Variants in DPYD observed in about 807,000 individuals in gnomAD.
The protein encoded by DPYD is dihydropyrimidine dehydrogenase [NADP(+)].
A neutral mutation model predicts 116.2 loss-of-function variants in DPYD; 109 were observed. The ratio of observed to expected loss-of-function variants is 0.94; its 90% confidence interval spans 0.80 to 1.10. The LOEUF (loss-of-function observed/expected upper bound fraction) is 1.10, where lower values mean the gene tolerates loss of function less well. Ranked by LOEUF, DPYD falls within the 50% of genes least tolerant of loss-of-function variation. The pLI is 0.00. For synonymous variants in DPYD, 440 were observed against 432.0 expected (o/e 1.02, Z -0.23); for missense variants, 1,302 against 1,254.5 (o/e 1.04, Z -0.57).
intron 14 of DPYD, among the ~76,000 whole-genome samples, chr1:97,408,750 C>T (rs1316458520): frequency 6.6e-6 from 1 of 152,114 alleles, no homozygotes; most frequent in African/African-American, 2.4e-5. Context: ...TGGGTAGGCA[C>T]CATCTGATCA....
At chr1:97,770,600 T>C (rs2101158500) in intron 3 of DPYD, among the ~76,000 whole-genome samples, 1 of 152,276 alleles carries the variant, frequency 6.6e-6, no homozygotes, top group South Asian at 2.1e-4. Context: ...CTGTTTTGAG[T>C]AGCTAGAAAA....
chr1:97,428,543 A>C (rs2101721724), intron 14 of DPYD, among the ~76,000 whole-genome samples: 1 of 152,228 alleles, frequency 6.6e-6, no homozygotes, highest in Admixed American at 6.6e-5. Flanking sequence ...TGGAAGTTTC[A>C]GAGTTTGAGC....
chr1:97,344,814 C>T (rs1436220986), intron 16 of DPYD, among the ~76,000 whole-genome samples: 2 of 151,818 alleles, frequency 1.3e-5, no homozygotes, highest in Non-Finnish European at 2.9e-5. Context: ...CATGTTTATG[C>T]ATGTACTATA....
chr1:97,436,852 G>T (rs532263129), intron 14 of DPYD, among the ~76,000 whole-genome samples: 1 of 152,024 alleles, frequency 6.6e-6, no homozygotes, highest in African/African-American at 2.4e-5. Flanking sequence ...AACTTGAAGA[G>T]TTGGGTAGGG....
rs557814789 is a variant in DPYD at position 97,710,750 on chromosome 1, C to T, written c.483+10760G>A. 5.3e-5 allele frequency among the ~76,000 whole-genome samples: 8 copies of T among 151,728 alleles called. No homozygotes were observed. In the South Asian group the frequency reaches 1.7e-3, roughly 32 times the overall value. On this transcript the variant is annotated intron_variant, in intron 5 of 22. Transcript: ENST00000370192. ...AAAACATAGACTCTCCAGTAACTAG[C>T]TCCCTGGATAATAGAGCACTCACAT...
chr1:97,280,080 C>T (rs1665212421), intron 18 of DPYD: 1 of 152,166 alleles, frequency 6.6e-6, no homozygotes, highest in Admixed American at 6.5e-5. Context: ...ACCACTCAAT[C>T]TCCTCTGCAA....
At chr1:97,196,974 C>G (rs1350990810) in intron 19 of DPYD, among the ~76,000 whole-genome samples, 4 of 152,048 alleles carry the variant, frequency 2.6e-5, no homozygotes, top group Non-Finnish European at 5.9e-5. Context: ...TTCAATTTAC[C>G]TTCTTACTTG....
chr1:97,825,486 G>A (rs1669187673), intron 3 of DPYD, among the ~76,000 whole-genome samples: 2 of 151,946 alleles, frequency 1.3e-5, no homozygotes, highest in Admixed American at 6.6e-5. Context: ...TGGGGACCTG[G>A]AGCCACTTAG....
intron 14 of DPYD, among the ~76,000 whole-genome samples, chr1:97,426,974 T>G (rs527995046): frequency 6.6e-6 from 1 of 152,104 alleles, no homozygotes; most frequent in Non-Finnish European, 1.5e-5. Flanking sequence ...CAAATTTCTA[T>G]GGCATAAGAG....
chr1:97,234,794 T>G, intron 19 of DPYD, 58 bp downstream of exon 19: 4 of 1,606,498 alleles, frequency 2.5e-6, no homozygotes, highest in Non-Finnish European at 3.4e-6. Flanking sequence ...GTCACATAAC[T>G]TACATTGCAT....
intron 20 of DPYD, among the ~76,000 whole-genome samples, chr1:97,133,961 T>C (rs918395780): frequency 1.5e-5 from 2 of 134,618 alleles, no homozygotes; most frequent in Non-Finnish European, 3.1e-5. Flanking sequence ...ATCACGCCAC[T>C]GTACTCCAGC....
intron 18 of DPYD, among the ~76,000 whole-genome samples, chr1:97,286,028 C>T (rs1427966945): frequency 2.0e-5 from 3 of 152,166 alleles, no homozygotes; most frequent in African/African-American, 7.2e-5. Flanking sequence ...ATAATCTTTA[C>T]AATTTGGCAT....
chr1:97,484,818 T>C (rs776051375), intron 13 of DPYD, among the ~76,000 whole-genome samples: 1 of 152,250 alleles, frequency 6.6e-6, no homozygotes, highest in Non-Finnish European at 1.5e-5. Flanking sequence ...TGTAATAGCA[T>C]TATATTTTTA....
chr1:97,546,588 T>C, intron 12 of DPYD: 1 of 1,607,730 alleles, frequency 6.2e-7, no homozygotes, highest in Admixed American at 1.7e-5. Flanking sequence ...AAATAACACA[T>C]CCTGTGTATA....
chr1:97,208,423 T>C (rs1050635149), intron 19 of DPYD, among the ~76,000 whole-genome samples: 7 of 151,786 alleles, frequency 4.6e-5, no homozygotes, highest in Non-Finnish European at 1.0e-4. Flanking sequence ...TAGCTGGGAC[T>C]ACAGGCGCAT....
At chr1:97,670,722 C>CA (rs148508284) in intron 8 of DPYD, among the ~76,000 whole-genome samples, 11,633 of 152,182 alleles carry the variant, frequency 0.076, 655 homozygotes, top group East Asian at 0.29. Flanking sequence ...TTATCTCCCA[C>CA]AAAAAATGTA....
At chr1:97,373,061 T>C (rs1313094433) in intron 16 of DPYD, among the ~76,000 whole-genome samples, 1 of 152,244 alleles carries the variant, frequency 6.6e-6, no homozygotes, top group Non-Finnish European at 1.5e-5. Context: ...GAAGGTTCCA[T>C]TTATTGTATC....
At chr1:97,720,421 C>G in intron 5 of DPYD, 1 of 985,930 alleles carries the variant, frequency 1.0e-6, no homozygotes, top group African/African-American at 1.7e-5. Flanking sequence ...AAAGATCATA[C>G]TTCGTAGTGG....
chr1:97,313,169 G>A (rs751649850), intron 16 of DPYD, among the ~76,000 whole-genome samples: 2 of 151,816 alleles, frequency 1.3e-5, no homozygotes, highest in African/African-American at 2.4e-5. Context: ...AGCATGTAGC[G>A]CAGAACCTGA....
Sources: allele counts gnomAD v4.1 joint callset (sites outside exome capture counted in the v4.1 genomes callset), GRCh38; gene constraint gnomAD v4.1.1; transcripts MANE v1.5; gene names NCBI Gene and HGNC (gene_info 2026-07-23, HGNC 2026-07-21).